The following USP9X variants were observed in gnomAD, a reference collection of about 807,000 sequenced individuals.
USP9X encodes ubiquitin carboxyl-terminal hydrolase 9X.
Under a neutral mutation model 190.3 loss-of-function variants are expected in USP9X, and 7 were observed. That is an observed-to-expected ratio of 0.04 (90% CI 0.02 to 0.07). USP9X has a LOEUF of 0.07. USP9X is among the 10% of genes least tolerant of loss of function. The pLI, the probability that USP9X is intolerant of heterozygous loss-of-function variation, is 1.00. For missense variants in USP9X, 1,010 were observed against 1,916.9 expected (o/e 0.53, Z 8.83); for synonymous variants, 645 against 659.5 (o/e 0.98, Z 0.34).
Position 41,184,584 on chromosome X carries a change from A to C in USP9X, c.3467A>C (p.Lys1156Thr), listed in dbSNP as rs1184689915. 8.3e-7 allele frequency: 1 copy of C among 1,211,734 alleles called. No homozygotes were observed. Residue 1156 changes from lysine to threonine, a missense_variant, in exon 23 of 45, where the codon AAG (lysine) becomes ACG (threonine). Physicochemically the swap from Lys to Thr is moderately conservative, Grantham distance 78. This residue lies in a region of USP9X where 351 missense variants were observed against 480.8 expected (regional missense o/e 0.73). Transcript: ENST00000378308. ...GAYLNALKIA[K>T]LLLTAIGYGH... ...TACCTCAATGCTCTTAAAATAGCCAAGCTTTTGCTAACTGCCATTGGCTAT... is the reference window on the plus strand; with the variant it reads ...TACCTCAATGCTCTTAAAATAGCCACGCTTTTGCTAACTGCCATTGGCTAT...
intron 2 of USP9X, among the ~76,000 whole-genome samples, chrX:41,128,312 A>T (rs995722260): frequency 2.7e-5 from 3 of 112,223 alleles, no homozygotes; most frequent in African/African-American, 9.7e-5. Flanking sequence ...GAGAGGCAGT[A>T]CACATTATGA....
chrX:41,086,946 A>G (rs1601920732), intron 1 of USP9X, among the ~76,000 whole-genome samples: 1 of 112,854 alleles, frequency 8.9e-6, no homozygotes, highest in Non-Finnish European at 1.9e-5. Context: ...AAAGAGTTAT[A>G]CAGCAGGTGT....
At position 41,112,643 on chromosome X, in the gene USP9X, G is replaced by A. The variant is rs375216581; in HGVS notation, c.-158-10828G>A. ...CTTTTGAATGGAATGGAACCAACAA[G>A]TCCACAAAAGAAAAAAAATCTTTAG... On this transcript the variant is annotated intron_variant, in intron 1 of 44. Transcript: ENST00000378308. 8.1e-5 allele frequency among the ~76,000 whole-genome samples: 9 copies of A among 111,717 alleles called. No individual in the cohort carries two copies. In the East Asian group the frequency reaches 2.5e-3, roughly 31 times the overall value.
At chrX:41,127,178 C>T (rs1194493112) in intron 2 of USP9X, among the ~76,000 whole-genome samples, 1 of 112,004 alleles carries the variant, frequency 8.9e-6, no homozygotes, top group Admixed American at 9.5e-5. Context: ...ACATTAATTA[C>T]AGCTATGTTT....
At chrX:41,164,162 G>A (rs762669516) in intron 15 of USP9X, among the ~76,000 whole-genome samples, 2 of 111,665 alleles carry the variant, frequency 1.8e-5, no homozygotes, top group East Asian at 5.6e-4. Context: ...AAGCCACCGT[G>A]CCTGGCCCCA....
chrX:41,086,255 C>G (rs924966000), intron 1 of USP9X, 146 bp downstream of exon 1: 12 of 283,831 alleles, frequency 4.2e-5, no homozygotes, highest in Middle Eastern at 9.1e-4. Flanking sequence ...CCCCGTTCCC[C>G]CTCCTCCGGC....
At chrX:41,158,395 A>G (rs192073841) in intron 14 of USP9X, among the ~76,000 whole-genome samples, 105 of 111,609 alleles carry the variant, frequency 9.4e-4, no homozygotes, top group Admixed American at 3.6e-3. Context: ...TTCTCATCAG[A>G]AACATTGAGG....
At chrX:41,223,901 G>A (rs2147263841) in intron 39 of USP9X, among the ~76,000 whole-genome samples, 1 of 112,069 alleles carries the variant, frequency 8.9e-6, no homozygotes, top group East Asian at 2.8e-4. Flanking sequence ...TTATGAAATA[G>A]TTTAAGAATT....
intron 31 of USP9X, among the ~76,000 whole-genome samples, chrX:41,204,318 T>C (rs924876799): frequency 3.6e-5 from 4 of 111,921 alleles, no homozygotes; most frequent in Admixed American, 2.9e-4. Flanking sequence ...ATATCAGATA[T>C]GTGATTTGCA....
At chrX:41,111,798 G>A (rs150302661) in intron 1 of USP9X, among the ~76,000 whole-genome samples, 6 of 110,394 alleles carry the variant, frequency 5.4e-5, no homozygotes, top group African/African-American at 2.0e-4. Context: ...TGAGGGCCTT[G>A]TAGACCATTA....
chrX:41,120,086 A>C (rs2062178792), intron 1 of USP9X, among the ~76,000 whole-genome samples: 1 of 111,891 alleles, frequency 8.9e-6, no homozygotes, highest in Admixed American at 9.4e-5. Context: ...TCAGTCTTAA[A>C]ACTTTGTTTT....
intron 1 of USP9X, among the ~76,000 whole-genome samples, chrX:41,119,605 A>C (rs182722792): frequency 2.0e-4 from 22 of 112,035 alleles, no homozygotes; most frequent in African/African-American, 2.3e-4. Flanking sequence ...AAACTGGAGC[A>C]GATTTGAAGT....
chrX:41,161,789 C>T (rs1170624287), intron 14 of USP9X, among the ~76,000 whole-genome samples: 1 of 103,978 alleles, frequency 9.6e-6, no homozygotes, highest in East Asian at 3.0e-4. Context: ...TTGCTATGTT[C>T]CCCAGGCTGG....
intron 33 of USP9X, among the ~76,000 whole-genome samples, chrX:41,211,653 G>A (rs4827051): frequency 0.47 from 46,425 of 99,784 alleles, 8,744 homozygotes; most frequent in Non-Finnish European, 0.55. Flanking sequence ...CCCCGTCCGG[G>A]AAGGAGGTGA....
At chrX:41,223,991 G>A (rs1180494730) in intron 39 of USP9X, among the ~76,000 whole-genome samples, 1 of 110,762 alleles carries the variant, frequency 9.0e-6, no homozygotes, top group Non-Finnish European at 1.9e-5. Context: ...AATCACTTGA[G>A]CTGAAGAGTT....
intron 1 of USP9X, among the ~76,000 whole-genome samples, chrX:41,105,305 G>T (rs2062061512): frequency 1.8e-5 from 2 of 111,471 alleles, no homozygotes; most frequent in African/African-American, 6.5e-5. Flanking sequence ...TGTTACTTGT[G>T]GGTACAAAAC....
intron 1 of USP9X, among the ~76,000 whole-genome samples, chrX:41,089,903 G>GTTTTTTTTTTTTTTTTTTTT (rs139093155): frequency 6.6e-5 from 2 of 30,326 alleles, no homozygotes; most frequent in Non-Finnish European, 1.1e-4. Flanking sequence ...ATCTATGAGG[G>GTTTTTTTTTTTTTTTTTTTT]TTTTTTTTTT....
At chrX:41,124,549 T>C (rs1014878297) in intron 2 of USP9X, among the ~76,000 whole-genome samples, 1 of 112,248 alleles carries the variant, frequency 8.9e-6, no homozygotes. Flanking sequence ...TGATGGCTTA[T>C]ACTGTCAGTC....
rs1011465279 is a variant in USP9X, at chrX:41,229,975, C to T, written c.7431+196C>T. On this transcript the variant is annotated intron_variant, in intron 43 of 44. Transcript: ENST00000378308. ...CAACACTTTGGGAGGCCGAGGCAGG[C>T]GGATCACCTGAGGTCAGGAGTTCAA... 8.2e-5 allele frequency: 56 copies of T among 683,010 alleles called. No individual in the cohort carries two copies. In the African/African-American group the frequency reaches 8.2e-4, roughly 10 times the overall value. The allele number at this position is 683,010 out of a possible 1,213,427, so 56.3% of individuals were successfully genotyped here.
Sources: gnomAD v4.1 joint callset for allele counts (sites outside exome capture counted in the v4.1 genomes callset) on GRCh38, gnomAD v4.1.1 for gene constraint, gnomAD v4.1.1 regional missense constraint, MANE v1.5 for transcripts, NCBI Gene and HGNC (gene_info 2026-07-23, HGNC 2026-07-21) for gene names.